The following FHIT variants were observed in gnomAD, a reference collection of about 807,000 sequenced individuals.
FHIT encodes the protein fragile histidine triad diadenosine triphosphatase.
A neutral mutation model predicts 17.9 loss-of-function variants in FHIT; 19 were observed. The ratio of observed to expected loss-of-function variants is 1.06; its 90% CI spans 0.74 to 1.56. FHIT has a LOEUF of 1.56. Among genes scored for constraint, FHIT ranks in the 40% most tolerant of loss-of-function variants. The pLI is 0.00. For synonymous variants in FHIT, 81 were observed against 69.7 expected (o/e 1.16, Z -0.81); for missense variants, 248 against 189.2 (o/e 1.31, Z -1.82).
At chr3:60,196,782 A>G (rs1050517449) in intron 5 of FHIT, among the ~76,000 whole-genome samples, 4 of 152,014 alleles carry the variant, frequency 2.6e-5, no homozygotes, top group African/African-American at 9.7e-5. Context: ...ATGATATCAT[A>G]CATATATACA....
chr3:60,963,064 T>G (rs1472412046), intron 3 of FHIT, among the ~76,000 whole-genome samples: 1 of 152,226 alleles, frequency 6.6e-6, no homozygotes, highest in African/African-American at 2.4e-5. Flanking sequence ...GGTCCTGGAC[T>G]TTTTTTGGTT....
chr3:61,080,716 G>C (rs886290705), intron 2 of FHIT, among the ~76,000 whole-genome samples: 2 of 152,046 alleles, frequency 1.3e-5, no homozygotes, highest in African/African-American at 4.8e-5. Flanking sequence ...TAAGGTGCTT[G>C]ATTAGACTCA....
At chr3:60,655,929 G>A (rs879986378) in intron 4 of FHIT, among the ~76,000 whole-genome samples, 1 of 152,140 alleles carries the variant, frequency 6.6e-6, no homozygotes, top group East Asian at 1.9e-4. Context: ...TGGCTACTAC[G>A]CCTTTCTGTC....
chr3:59,979,773 G>C (rs1708571558), intron 7 of FHIT, among the ~76,000 whole-genome samples: 2 of 152,080 alleles, frequency 1.3e-5, no homozygotes, highest in South Asian at 4.1e-4. Context: ...AAGCCCGTGT[G>C]ACAAGAGTAC....
intron 5 of FHIT, among the ~76,000 whole-genome samples, chr3:60,130,648 C>T (rs1279989883): frequency 6.6e-6 from 1 of 151,714 alleles, no homozygotes; most frequent in African/African-American, 2.4e-5. Context: ...AAGAAACACC[C>T]CACATTGTTG....
intron 3 of FHIT, among the ~76,000 whole-genome samples, chr3:60,962,815 G>C (rs1198183459): frequency 2.6e-5 from 4 of 152,162 alleles, no homozygotes; most frequent in African/African-American, 9.7e-5. Context: ...TTGATGTCCT[G>C]CTGGATTTGT....
chr3:59,791,397 G>A (rs559416815), intron 8 of FHIT, among the ~76,000 whole-genome samples: 9 of 152,274 alleles, frequency 5.9e-5, no homozygotes, highest in South Asian at 2.1e-4. Context: ...GCTGGTGTTC[G>A]CATTACCTTC....
intron 5 of FHIT, among the ~76,000 whole-genome samples, chr3:60,514,141 G>T (rs577943266): frequency 2.0e-5 from 3 of 152,318 alleles, no homozygotes; most frequent in East Asian, 3.9e-4. Context: ...TGTGTGACCT[G>T]ATTCTTCCTG....
intron 5 of FHIT, among the ~76,000 whole-genome samples, chr3:60,079,070 C>T (rs1474384030): frequency 6.6e-6 from 1 of 152,118 alleles, no homozygotes; most frequent in African/African-American, 2.4e-5. Context: ...CATGACTTCA[C>T]AGGGTGATCG....
chr3:59,830,334 A>G lies in FHIT; in HGVS notation c.349-78013T>C, dbSNP rs183076421. ...TCCAAAGGAAAAAGGAGGAAAGTCTAGGAAGTTTTTCATTTGGGATAAAAG... is the reference window on the plus strand; with the variant it reads ...TCCAAAGGAAAAAGGAGGAAAGTCTGGGAAGTTTTTCATTTGGGATAAAAG... On this transcript the variant is annotated intron_variant, in intron 8 of 9. Coordinates refer to ENST00000492590, the MANE Select transcript of FHIT (RefSeq NM_002012.4). Among the ~76,000 whole-genome samples the G allele has an allele frequency of 3.2e-3, 490 of 152,328 alleles. 8 individuals are homozygous for G. The highest frequency in any genetic ancestry group is 0.011 in the African/African-American group (478 of 41,574).
At chr3:59,892,894 C>G (rs1270174582) in intron 8 of FHIT, among the ~76,000 whole-genome samples, 1 of 152,068 alleles carries the variant, frequency 6.6e-6, no homozygotes, top group Non-Finnish European at 1.5e-5. Flanking sequence ...AAACACTGAT[C>G]CTTGAAAAGC....
At chr3:60,074,681 C>A (rs1252756383) in intron 5 of FHIT, among the ~76,000 whole-genome samples, 1 of 151,776 alleles carries the variant, frequency 6.6e-6, no homozygotes, top group Admixed American at 6.6e-5. Context: ...AAACAACATG[C>A]ACTTTAAAAG....
chr3:60,125,557 G>A (rs1240072631), intron 5 of FHIT, among the ~76,000 whole-genome samples: 3 of 151,646 alleles, frequency 2.0e-5, no homozygotes, highest in Admixed American at 1.3e-4. Context: ...ACTTGAACCC[G>A]GGAGGCGGAG....
chr3:61,214,037 G>A (rs1370604972), intron 1 of FHIT, among the ~76,000 whole-genome samples: 1 of 152,060 alleles, frequency 6.6e-6, no homozygotes, highest in Non-Finnish European at 1.5e-5. Context: ...AGCACTAAAT[G>A]CCCACAAAAG....
intron 8 of FHIT, among the ~76,000 whole-genome samples, chr3:59,901,625 A>G (rs79932007): frequency 1.4e-3 from 207 of 152,312 alleles, no homozygotes; most frequent in African/African-American, 4.9e-3. Context: ...AAAAGTTACA[A>G]AATAACAAGT....
At chr3:60,479,780 A>C (rs2033522002) in intron 5 of FHIT, among the ~76,000 whole-genome samples, 1 of 152,166 alleles carries the variant, frequency 6.6e-6, no homozygotes, top group African/African-American at 2.4e-5. Context: ...TCTAGGTTGC[A>C]TGCTCCTTAT....
At chr3:60,470,060 C>A (rs1350516488) in intron 5 of FHIT, among the ~76,000 whole-genome samples, 1 of 131,040 alleles carries the variant, frequency 7.6e-6, no homozygotes, top group Non-Finnish European at 1.6e-5. Context: ...CTCTTTCTTT[C>A]TCTCTCTCTC....
intron 4 of FHIT, among the ~76,000 whole-genome samples, chr3:60,552,164 C>A (rs1335146735): frequency 6.6e-6 from 1 of 152,086 alleles, no homozygotes; most frequent in African/African-American, 2.4e-5. Flanking sequence ...TGTATTCATC[C>A]TTTATTCCTT....
intron 5 of FHIT, among the ~76,000 whole-genome samples, chr3:60,285,438 G>C (rs1040257289): frequency 2.6e-5 from 4 of 152,082 alleles, no homozygotes; most frequent in Non-Finnish European, 4.4e-5. Context: ...TAAATAAAAT[G>C]AATAATGAAC....
Sources: allele counts gnomAD v4.1 joint callset (sites outside exome capture counted in the v4.1 genomes callset), GRCh38; gene constraint gnomAD v4.1.1; transcripts MANE v1.5; gene names NCBI Gene and HGNC (gene_info 2026-07-23, HGNC 2026-07-21).